SULT1C3: variants seen among roughly 807,000 people sequenced by gnomAD.
SULT1C3 encodes sulfotransferase family 1C member 3, also known as sulfotransferase 1C3.
A neutral mutation model predicts 28.4 loss-of-function variants in SULT1C3; 31 were observed. The ratio of observed to expected loss-of-function variants is 1.09; its 90% CI spans 0.82 to 1.47. The LOEUF (loss-of-function observed/expected upper bound fraction) is 1.47, where lower values mean the gene tolerates loss of function less well. Ranked by LOEUF, SULT1C3 falls within the 40% of genes most tolerant of loss-of-function variation. SULT1C3 has a pLI of 0.00. For missense variants in SULT1C3, 307 were observed against 272.5 expected, an observed-to-expected ratio of 1.13 and a Z score of -0.89; for synonymous variants, 106 against 92.2, an observed-to-expected ratio of 1.15 and a Z score of -0.86.
chr2:108,262,635 G>A (rs1013714553), downstream of SULT1C3, among the ~76,000 whole-genome samples: 3 of 152,174 alleles, frequency 2.0e-5, no homozygotes, highest in Non-Finnish European at 2.9e-5. Context: ...AAACAGAGTT[G>A]CTGGTCATTT....
rs748173977 is a variant in SULT1C3, at chr2:108,247,200, G to A, written c.6G>A (p.Ala2=). 104 of 1,515,338 alleles carry A rather than the reference G, an allele frequency of 6.9e-5. No homozygotes were observed. Among genetic ancestry groups the A allele is most frequent in the East Asian group, 4.9e-4 (21 of 42,516 alleles). The allele number at this position is 1,515,338 out of a possible 1,614,324, so 93.9% of individuals were successfully genotyped here. ...TTACCCATCCCAGATTCCCAATGGC[G>A]AAGATTGAGAAAAACGCTCCCACGA... M[A]KIEKNAPTME... is the part of the protein sequence containing the mutation. The change falls in exon 2 of 8, where the codon GCG becomes GCA. Residue 2 remains alanine, a synonymous_variant. Transcript: ENST00000681802.
intron 1 of SULT1C3, 117 bp from the exon 2 acceptor site, chr2:108,247,071 T>C (rs1020591156): frequency 1.4e-6 from 1 of 702,448 alleles, no homozygotes; most frequent in Non-Finnish European, 2.1e-6. Flanking sequence ...TGTTATATGT[T>C]AGCTTTCACT....
intron 5 of SULT1C3, among the ~76,000 whole-genome samples, chr2:108,258,201 T>C (rs1675926171): frequency 2.0e-5 from 3 of 152,058 alleles, no homozygotes. Flanking sequence ...GGATAAAATA[T>C]GGTGCTGGCT....
chr2:108,244,681 G>T (rs1675538228), intron 1 of SULT1C3, among the ~76,000 whole-genome samples: 1 of 152,154 alleles, frequency 6.6e-6, no homozygotes, highest in Admixed American at 6.5e-5. Flanking sequence ...AGCTATCAGG[G>T]TGGTCAGAAA....
rs927512312 is a variant in SULT1C3, at chr2:108,259,051, C to A, written c.707C>A (p.Thr236Asn). The change falls in exon 7 of 8, where the codon ACC becomes AAC. Residue 236 changes from threonine (T) to asparagine (N), a missense_variant. Thr to Asn is a moderately conservative substitution (Grantham distance 65). Transcript: ENST00000681802. ...GDVINKIVHH[T>N]SFDVMKDNPM... ...GTTATAAACAAGATTGTCCACCATA[C>A]CTCATTTGATGTAATGAAGGATAAT... The A allele has an allele frequency of 3.0e-6, 2 of 666,234 alleles. No individual in the cohort carries two copies. The highest frequency in any genetic ancestry group is 5.5e-6 in the Non-Finnish European group (2 of 364,044). The allele number at this position is 666,234 out of a possible 1,614,324, so 41.3% of individuals were successfully genotyped here.
At chr2:108,256,075 G>A (rs896342200) in intron 5 of SULT1C3, among the ~76,000 whole-genome samples, 1 of 151,994 alleles carries the variant, frequency 6.6e-6, no homozygotes, top group African/African-American at 2.4e-5. Context: ...ACCACGTATA[G>A]TTACAAAAGT....
intron 4 of SULT1C3, 26 bp from the exon 5 acceptor site, chr2:108,255,546 G>T (rs1296777266): frequency 6.2e-7 from 1 of 1,604,738 alleles, no homozygotes; most frequent in Non-Finnish European, 8.5e-7. Context: ...TCTCTCCATG[G>T]CTTCCTTCCC....
chr2:108,242,162 G>A (rs543406949), intron 1 of SULT1C3, among the ~76,000 whole-genome samples: 87 of 152,160 alleles, frequency 5.7e-4, no homozygotes, highest in African/African-American at 1.5e-3. Flanking sequence ...GCATTTTGAC[G>A]ACACTTGTAT....
At chr2:108,240,148 G>T (rs1366619210) in intron 1 of SULT1C3, among the ~76,000 whole-genome samples, 65 bp downstream of exon 1, 1 of 152,198 alleles carries the variant, frequency 6.6e-6, no homozygotes, top group East Asian at 1.9e-4. Context: ...CTGGAAAAGG[G>T]TCGGGATATT....
chr2:108,250,448 T>C (rs1675701319), intron 2 of SULT1C3, among the ~76,000 whole-genome samples: 2 of 152,010 alleles, frequency 1.3e-5, no homozygotes, highest in South Asian at 4.1e-4. Flanking sequence ...GAAATTCTCA[T>C]GAACTTTTGG....
chr2:108,256,313 C>G (rs1291829037), intron 5 of SULT1C3, among the ~76,000 whole-genome samples: 1 of 151,906 alleles, frequency 6.6e-6, no homozygotes, highest in African/African-American at 2.4e-5. Flanking sequence ...GATCTCAAAC[C>G]CTTCACAGAA....
chr2:108,245,580 C>T (rs752772294), intron 1 of SULT1C3, among the ~76,000 whole-genome samples: 3 of 152,102 alleles, frequency 2.0e-5, no homozygotes, highest in Non-Finnish European at 2.9e-5. Context: ...AGCTAGGAAG[C>T]AGGGTAACAC....
At chr2:108,258,619 G>A (rs761546681) in intron 5 of SULT1C3, 115 bp from the exon 6 acceptor site, 15 of 734,784 alleles carry the variant, frequency 2.0e-5, no homozygotes, top group African/African-American at 1.1e-4. Flanking sequence ...TTTCCACTTC[G>A]TTAAGGAACC....
chr2:108,243,945 G>T (rs926197216), intron 1 of SULT1C3, among the ~76,000 whole-genome samples: 3 of 152,186 alleles, frequency 2.0e-5, no homozygotes, highest in Non-Finnish European at 4.4e-5. Context: ...GTAGTTACAG[G>T]TCATGTATCC....
intron 1 of SULT1C3, among the ~76,000 whole-genome samples, chr2:108,246,634 T>C (rs1191999194): frequency 6.6e-6 from 1 of 152,168 alleles, no homozygotes; most frequent in Admixed American, 6.5e-5. Context: ...ATTTCAAAAA[T>C]TATTCCATGA....
chr2:108,251,597 GGGAAATAGA>G (rs1373841201), intron 2 of SULT1C3, among the ~76,000 whole-genome samples: 2 of 151,948 alleles, frequency 1.3e-5, no homozygotes, highest in African/African-American at 2.4e-5. Context: ...TCCAGTTTAT[GGGAAATAGA>G]GGAAATAGAG....
At chr2:108,248,798 T>A (rs948029625) in intron 2 of SULT1C3, among the ~76,000 whole-genome samples, 7 of 152,104 alleles carry the variant, frequency 4.6e-5, no homozygotes, top group Admixed American at 3.3e-4. Context: ...TTATTTCAGA[T>A]TACATTCCCA....
chr2:108,252,625 C>A, intron 3 of SULT1C3, 132 bp downstream of exon 3: 2 of 1,081,008 alleles, frequency 1.9e-6, no homozygotes, highest in South Asian at 2.2e-5. Context: ...TGTTCTCAGG[C>A]CAACAATCAA....
Position 108,253,329 on chromosome 2 carries a change from A to C in SULT1C3, c.302-16A>C, listed in dbSNP as rs1336487322. 4 of 1,480,674 alleles carry C rather than the reference A, an allele frequency of 2.7e-6. No homozygotes were observed. Among genetic ancestry groups the C allele is most frequent in the South Asian group, 1.5e-5 (1 of 68,384 alleles). The allele number at this position is 1,480,674 out of a possible 1,614,324, so 91.7% of individuals were successfully genotyped here. A position where few individuals can be genotyped will look rare whatever the true frequency, so the allele number is the denominator to read the frequency against. ...GTGCCAAGAATAAACAAAGAATATA[A>C]ATTGTTTCTTGCTAGATTTGGAGTT... On this transcript the variant is annotated splice_polypyrimidine_tract_variant and intron_variant, in intron 3 of 7. Transcript: ENST00000681802.
Sources: gnomAD v4.1 joint callset for allele counts (sites outside exome capture counted in the v4.1 genomes callset) on GRCh38, gnomAD v4.1.1 for gene constraint, MANE v1.5 for transcripts, NCBI Gene and HGNC (gene_info 2026-07-23, HGNC 2026-07-21) for gene names.